MX2: variants seen among roughly 807,000 people sequenced by gnomAD.
MX2 encodes interferon-induced GTP-binding protein Mx2.
MX2 carries 51 observed loss-of-function variants against 74.0 expected under a neutral mutation model. That is an observed-to-expected ratio of 0.69 (90% confidence interval 0.55 to 0.87). The LOEUF (loss-of-function observed/expected upper bound fraction) is 0.87. MX2 is among the 40% of genes least tolerant of loss of function. The pLI, the probability that MX2 is intolerant of heterozygous loss-of-function variation, is 0.00. For missense variants in MX2, 832 were observed against 908.7 expected (o/e 0.92, Z 1.09); for synonymous variants, 369 against 339.3 (o/e 1.09, Z -0.96).
At chr21:41,381,707 A>AG (rs60320416) in intron 4 of MX2, among the ~76,000 whole-genome samples, 1 of 149,064 alleles carries the variant, frequency 6.7e-6, no homozygotes, top group Non-Finnish European at 1.5e-5. Flanking sequence ...AAAAAAAAAA[A>AG]GAATGAATAG....
chr21:41,374,582 G>A (rs904612641), intron 1 of MX2, among the ~76,000 whole-genome samples: 3 of 152,242 alleles, frequency 2.0e-5, no homozygotes, highest in African/African-American at 7.2e-5. Context: ...GGGAGAAGGA[G>A]GAAGTTGTCC....
rs955353615 is a variant in MX2 at position 41,404,137 on chromosome 21, G to A, written c.1650+794G>A. ...CCCCGCCGGGACACAGGAAGCACTC[G>A]GCTGCAGGCCCAACTGCTCTGGGCC... On this transcript the variant is annotated intron_variant, in intron 12 of 13. Transcript: ENST00000330714. 5.5e-5 allele frequency: 9 copies of A among 163,094 alleles called. 1 individual carries two copies. In the South Asian group the frequency reaches 9.6e-4, roughly 17 times the overall value. The allele number at this position is 163,094 out of a possible 1,614,324, so 10.1% of individuals were successfully genotyped here.
intron 1 of MX2, chr21:41,367,124 G>C (rs1015357112): frequency 1.4e-4 from 22 of 152,176 alleles, no homozygotes; most frequent in African/African-American, 5.3e-4. Flanking sequence ...GGGAGGATAG[G>C]ACAATTGTCT....
chr21:41,393,786 A>G (rs915883742), intron 6 of MX2, among the ~76,000 whole-genome samples: 1 of 152,064 alleles, frequency 6.6e-6, no homozygotes, highest in Admixed American at 6.6e-5. Flanking sequence ...TGTCTGGCCA[A>G]TGTCTCCAGT....
chr21:41,399,526 C>G (rs2089783171), intron 10 of MX2, 189 bp downstream of exon 10: 2 of 556,340 alleles, frequency 3.6e-6, no homozygotes, highest in Non-Finnish European at 6.4e-6. Context: ...AGCAACTCAA[C>G]ACAGGGCAAT....
chr21:41,392,977 A>G (rs1464649192), intron 6 of MX2, among the ~76,000 whole-genome samples: 1 of 151,988 alleles, frequency 6.6e-6, no homozygotes, highest in Admixed American at 6.6e-5. Flanking sequence ...GTGGTGGCAC[A>G]GGCCTGTAAT....
At chr21:41,370,758 A>G (rs2089315156) in intron 1 of MX2, 1 of 152,208 alleles carries the variant, frequency 6.6e-6, no homozygotes, top group Non-Finnish European at 1.5e-5. Flanking sequence ...GACCGCGGCC[A>G]TGCGGGTTGT....
chr21:41,391,747 A>G (rs916229431), intron 6 of MX2, among the ~76,000 whole-genome samples: 5 of 151,948 alleles, frequency 3.3e-5, no homozygotes, highest in African/African-American at 1.2e-4. Context: ...CTCTTAGTAT[A>G]GCCCAAAACA....
intron 6 of MX2, among the ~76,000 whole-genome samples, chr21:41,393,316 T>A (rs2089688528): frequency 6.6e-6 from 1 of 152,126 alleles, no homozygotes; most frequent in Non-Finnish European, 1.5e-5. Context: ...TTGCTATGGA[T>A]GTTATCTACT....
chr21:41,397,477 T>G, intron 7 of MX2, 136 bp from the exon 8 acceptor site: 1 of 670,230 alleles, frequency 1.5e-6, no homozygotes, highest in Non-Finnish European at 2.6e-6. Context: ...CAAGTGTCTT[T>G]CTTATGCACC....
Position 41,377,861 on chromosome 21 carries a change from C to G in MX2, c.322C>G (p.Arg108Gly). ...CTGCATTGACCTCATCGACTCCCTGCGGGCTCTGGGTGTGGAGCAGGACCT... is the reference window on the plus strand; with the variant it reads ...CTGCATTGACCTCATCGACTCCCTGGGGGCTCTGGGTGTGGAGCAGGACCT... ...RPCIDLIDSL[R>G]ALGVEQDLAL... is the part of the protein sequence containing the mutation. The change falls in exon 3 of 14, where the codon CGG (arginine) becomes GGG (glycine). Residue 108 changes from arginine (R) to glycine (G), a missense_variant. Physicochemically the swap from Arg to Gly is moderately radical, Grantham distance 125. Coordinates refer to ENST00000330714, the MANE Select transcript of MX2 (RefSeq NM_002463.2). The G allele has an allele frequency of 1.2e-6, 2 of 1,614,214 alleles. No homozygotes were observed. The highest frequency in any genetic ancestry group is 1.7e-6 in the Non-Finnish European group (2 of 1,180,034).
At position 41,380,271 on chromosome 21, in the gene MX2, C is replaced by G; in HGVS notation, c.577+120C>G. On this transcript the variant is annotated intron_variant, in intron 4 of 13. Transcript: ENST00000330714. This position sits in a 1 kb window ranked among gnomAD's most constrained non-coding sequence, Gnocchi z 4.3. ...CACTCAGCTCCTAGCCCCATGTGCT[C>G]CCACATGGGGCTGAACCCATTGCTG... 7.5e-7 allele frequency: 1 copy of G among 1,341,222 alleles called. No individual in the cohort carries two copies. Among genetic ancestry groups the G allele is most frequent in the South Asian group, 1.4e-5 (1 of 72,350 alleles). 83.1% of individuals were successfully genotyped at this position (1,341,222 alleles called of 1,614,324 possible).
At position 41,407,991 on chromosome 21, in the gene MX2, G is replaced by A. The variant is rs575154900; in HGVS notation, c.1906G>A (p.Glu636Lys). The change falls in exon 14 of 14, where the codon GAA (glutamate) becomes AAA (lysine). Residue 636 changes from glutamate (E) to lysine (K), a missense_variant and splice_region_variant. By Grantham distance (56) the Glu-to-Lys change is moderately conservative. Coordinates refer to ENST00000330714, the MANE Select transcript of MX2 (RefSeq NM_002463.2). Reference sequence around the variant, plus strand: ...AAACCCTTCTTTCTCCCTCTTCCAGGAAACCAGCAAACGTCTCGCCAACCA... The same window carrying A: ...AAACCCTTCTTTCTCCCTCTTCCAGAAAACCAGCAAACGTCTCGCCAACCA... ...IGIHLNAYFL[E>K]TSKRLANQIP... The A allele has an allele frequency of 8.1e-6, 13 of 1,614,082 alleles. No individual in the cohort carries two copies. In the South Asian group the frequency reaches 1.4e-4, roughly 18 times the overall value.
In MX2 at chr21:41,388,600, G is replaced by T. The variant is rs61089925; in HGVS notation, c.733-1965G>T. On this transcript the variant is annotated intron_variant, in intron 5 of 13. Transcript: ENST00000330714. The surrounding 1 kb of genome is among the most constrained non-coding windows in gnomAD (Gnocchi z 4.0). The stretch of plus-strand genomic sequence containing the variant: ...TCCTGGGCTGTAAGGCTCTGGGGGC[G>T]TATGCTCAATGCCGAGTCTCTGAAC... Among the ~76,000 whole-genome samples, 1 of 152,134 alleles carries T rather than the reference G, an allele frequency of 6.6e-6. No homozygotes were observed. The highest frequency in any genetic ancestry group is 1.5e-5 in the Non-Finnish European group (1 of 68,026).
At chr21:41,385,107 G>A (rs2089552866) in intron 5 of MX2, among the ~76,000 whole-genome samples, 1 of 152,212 alleles carries the variant, frequency 6.6e-6, no homozygotes, top group Admixed American at 6.5e-5. Flanking sequence ...GTTTACTGGA[G>A]TAGCACTTCT....
chr21:41,398,712 C>T (rs2089767710), intron 8 of MX2, among the ~76,000 whole-genome samples, 185 bp from the exon 9 acceptor site: 1 of 152,056 alleles, frequency 6.6e-6, no homozygotes, highest in Non-Finnish European at 1.5e-5. Context: ...AAGTTTGTTA[C>T]AATTAGATTC....
chr21:41,382,540 C>G lies in MX2; in HGVS notation c.708C>G (p.Asn236Lys). The change falls in exon 5 of 14, where the codon AAC becomes AAG. Residue 236 changes from asparagine (N) to lysine (K), a missense_variant. Asn to Lys is a moderately conservative substitution (Grantham distance 94). Transcript: ENST00000330714. The part of the protein sequence containing the change: ...LPGITRVAVD[N>K]QPRDIGLQIK... ...GCATCACCAGGGTGGCTGTGGACAACCAGCCCCGAGACATCGGACTGCAGG... is the reference window on the plus strand; with the variant it reads ...GCATCACCAGGGTGGCTGTGGACAAGCAGCCCCGAGACATCGGACTGCAGG... The G allele has an allele frequency of 1.2e-6, 2 of 1,614,216 alleles. No homozygotes were observed. Among genetic ancestry groups the G allele is most frequent in the Admixed American group, 3.3e-5 (2 of 60,032 alleles).
chr21:41,382,627 A>G, intron 5 of MX2, 63 bp downstream of exon 5: 1 of 1,597,800 alleles, frequency 6.3e-7, no homozygotes. Context: ...AGAGGTCCCC[A>G]GGGTCCTGGT....
chr21:41,395,521 G>T, intron 6 of MX2, 66 bp from the exon 7 acceptor site: 1 of 1,507,848 alleles, frequency 6.6e-7, no homozygotes, highest in Non-Finnish European at 9.2e-7. Flanking sequence ...CCATAGTCCA[G>T]TAGGAGTCAA....
Sources: gnomAD v4.1 joint callset for allele counts (sites outside exome capture counted in the v4.1 genomes callset) on GRCh38, gnomAD v4.1.1 for gene constraint, Gnocchi (gnomAD v3.1) non-coding constraint, MANE v1.5 for transcripts, NCBI Gene and HGNC (gene_info 2026-07-23, HGNC 2026-07-21) for gene names.